VPS37A: variants seen among roughly 807,000 people sequenced by gnomAD.
The protein encoded by VPS37A is VPS37A subunit of ESCRT-I.
A neutral mutation model predicts 49.8 loss-of-function variants in VPS37A; 30 were observed. The observed-to-expected ratio is 0.60, with a 90% CI of 0.45 to 0.82. The LOEUF is 0.82. Ranked by LOEUF, VPS37A falls within the 40% of genes least tolerant of loss-of-function variation. VPS37A has a pLI of 0.00. For missense variants in VPS37A, 593 were observed against 464.4 expected (o/e 1.28, Z -2.55); for synonymous variants, 195 against 160.6 (o/e 1.21, Z -1.62).
chr8:17,301,364 G>A (rs942481020), downstream of VPS37A, among the ~76,000 whole-genome samples: 1 of 152,200 alleles, frequency 6.6e-6, no homozygotes, highest in Admixed American at 6.5e-5. Flanking sequence ...GACTGTGAAA[G>A]ATTTAAACTT....
chr8:17,284,762 T>G (rs1486815418), intron 10 of VPS37A, 146 bp downstream of exon 10: 2 of 1,087,450 alleles, frequency 1.8e-6, no homozygotes, highest in Non-Finnish European at 2.5e-6. Flanking sequence ...AAGGAAGGTT[T>G]CTATTCCTTG....
At chr8:17,330,686 A>G in the VPS37A span, among the ~76,000 whole-genome samples, 12 of 152,230 alleles carry the variant, frequency 7.9e-5, 2 homozygotes, top group African/African-American at 2.9e-4. Flanking sequence ...GGTTACATGC[A>G]TGTGTATTGT....
intron 11 of VPS37A, among the ~76,000 whole-genome samples, chr8:17,292,551 G>GT (rs1387396916): frequency 6.6e-6 from 1 of 152,176 alleles, no homozygotes; most frequent in Non-Finnish European, 1.5e-5. Context: ...TTTCTTCATA[G>GT]TATCAATGGT....
the VPS37A span, among the ~76,000 whole-genome samples, chr8:17,322,533 CAT>C: frequency 1.3e-5 from 2 of 152,142 alleles, no homozygotes; most frequent in Non-Finnish European, 2.9e-5. Context: ...AAATAAAAAA[CAT>C]GTGGCTGGGC....
chr8:17,273,150 G>A (rs1814170027), intron 4 of VPS37A, among the ~76,000 whole-genome samples: 2 of 147,174 alleles, frequency 1.4e-5, no homozygotes, highest in African/African-American at 5.0e-5. Context: ...TTTGTTTTAT[G>A]GGTGTATTAT....
rs371598636 is a variant in VPS37A, at chr8:17,275,178, GAC to G, written c.642+224_642+225del. On this transcript the variant is annotated intron_variant, in intron 5 of 11. Coordinates refer to ENST00000324849, the MANE Select transcript of VPS37A (RefSeq NM_152415.3). The stretch of plus-strand genomic sequence containing the variant: ...GTAGAAGGGACAGAGTTTTGGTAGA[GAC>G]ACAGTTAGGGGAATGGTCAGTGCTC... Among the ~76,000 whole-genome samples the G allele has an allele frequency of 8.5e-4, 130 of 152,280 alleles. No homozygotes were observed. The East Asian group carries it at 0.023, about 27-fold the overall frequency.
intron 1 of VPS37A, among the ~76,000 whole-genome samples, chr8:17,264,529 G>C (rs1813269789): frequency 6.6e-6 from 1 of 152,062 alleles, no homozygotes; most frequent in Admixed American, 6.6e-5. Context: ...TATCAGAGAG[G>C]AAAGCTTATC....
At chr8:17,288,820 A>T (rs28796044) in intron 11 of VPS37A, among the ~76,000 whole-genome samples, 11 of 152,162 alleles carry the variant, frequency 7.2e-5, no homozygotes, top group Non-Finnish European at 1.2e-4. Flanking sequence ...GGTTGAACTA[A>T]TTTACACTCC....
intron 1 of VPS37A, among the ~76,000 whole-genome samples, chr8:17,260,579 G>A (rs1251994037): frequency 1.3e-5 from 2 of 151,976 alleles, no homozygotes; most frequent in Non-Finnish European, 1.5e-5. Flanking sequence ...TTTTCTCTTT[G>A]CACATTAATT....
downstream of VPS37A, chr8:17,304,582 T>C (rs1817329458): frequency 6.6e-7 from 1 of 1,525,368 alleles, no homozygotes; most frequent in Non-Finnish European, 9.0e-7. Flanking sequence ...GTAGATATGT[T>C]ATATTAATGC....
chr8:17,274,998 C>T (rs1351055842), intron 5 of VPS37A, 40 bp downstream of exon 5: 2 of 1,563,636 alleles, frequency 1.3e-6, no homozygotes, highest in Non-Finnish European at 1.8e-6. Flanking sequence ...GCCACTGAAA[C>T]ATTCATTCAA....
At chr8:17,308,461 T>C in the VPS37A span, among the ~76,000 whole-genome samples, 2 of 152,314 alleles carry the variant, frequency 1.3e-5, no homozygotes, top group East Asian at 3.9e-4. Context: ...AGTGATCAAT[T>C]AATGCTAAAA....
At chr8:17,306,351 C>T (rs1047117006), downstream of VPS37A, among the ~76,000 whole-genome samples, 22 of 151,442 alleles carry the variant, frequency 1.5e-4, no homozygotes, top group East Asian at 5.8e-4. Flanking sequence ...TCATTTTTTG[C>T]GCTGTTTTGT....
At chr8:17,293,209 GTC>G (rs1816305971) in intron 11 of VPS37A, among the ~76,000 whole-genome samples, 1 of 151,126 alleles carries the variant, frequency 6.6e-6, no homozygotes, top group African/African-American at 2.4e-5. Flanking sequence ...TTGATCTTCA[GTC>G]TCTGATATCC....
the VPS37A span, among the ~76,000 whole-genome samples, chr8:17,325,886 C>T: frequency 6.6e-6 from 1 of 152,288 alleles, no homozygotes; most frequent in East Asian, 1.9e-4. Context: ...TACAGCCCAT[C>T]AACGTATCCA....
At chr8:17,264,003 C>T (rs1281848297) in intron 1 of VPS37A, among the ~76,000 whole-genome samples, 2 of 152,184 alleles carry the variant, frequency 1.3e-5, no homozygotes, top group East Asian at 3.9e-4. Context: ...CCATGTTCTA[C>T]ATGCCTATTT....
intron 1 of VPS37A, among the ~76,000 whole-genome samples, chr8:17,260,389 C>T (rs1005314550): frequency 1.3e-5 from 2 of 152,114 alleles, no homozygotes; most frequent in Admixed American, 6.5e-5. Context: ...TCTCAATTTA[C>T]AGATTTTTAT....
chr8:17,253,022 C>T (rs1037468340), intron 1 of VPS37A, among the ~76,000 whole-genome samples: 5 of 152,046 alleles, frequency 3.3e-5, no homozygotes, highest in South Asian at 2.1e-4. Flanking sequence ...AATTGCAGAG[C>T]GTATGACGCA....
chr8:17,278,323 A>G (rs899865259), intron 6 of VPS37A, among the ~76,000 whole-genome samples: 3 of 152,112 alleles, frequency 2.0e-5, no homozygotes, highest in African/African-American at 4.8e-5. Context: ...TGATTTAATG[A>G]TTTTATCATT....
Sources: allele counts gnomAD v4.1 joint callset (sites outside exome capture counted in the v4.1 genomes callset), GRCh38; gene constraint gnomAD v4.1.1; transcripts MANE v1.5; gene names NCBI Gene and HGNC (gene_info 2026-07-23, HGNC 2026-07-21).